Variants in KIF6 observed in about 807,000 individuals in gnomAD.
KIF6 encodes kinesin-like protein KIF6.
Under a neutral mutation model 112.7 loss-of-function variants are expected in KIF6, and 106 were observed. That is an observed-to-expected ratio of 0.94 (90% CI 0.80 to 1.11). The LOEUF is 1.11. Ranked by LOEUF, KIF6 falls within the 50% of genes least tolerant of loss-of-function variation. The pLI is 0.00. For synonymous variants in KIF6, 339 were observed against 339.9 expected, an observed-to-expected ratio of 1.00 and a Z score of 0.03; for missense variants, 929 against 964.0, an observed-to-expected ratio of 0.96 and a Z score of 0.48.
chr6:39,454,149 T>C (rs1162338592), intron 13 of KIF6, among the ~76,000 whole-genome samples: 1 of 152,170 alleles, frequency 6.6e-6, no homozygotes, highest in Non-Finnish European at 1.5e-5. Flanking sequence ...GTATTAGAAC[T>C]CTTATGTTGC....
intron 5 of KIF6, among the ~76,000 whole-genome samples, chr6:39,628,199 C>A (rs1784183085): frequency 6.6e-6 from 1 of 151,968 alleles, no homozygotes; most frequent in Non-Finnish European, 1.5e-5. Flanking sequence ...GCAATCCAAT[C>A]CACCAATCTT....
At chr6:39,601,046 T>C (rs1463795436) in intron 6 of KIF6, among the ~76,000 whole-genome samples, 1 of 152,186 alleles carries the variant, frequency 6.6e-6, no homozygotes, top group African/African-American at 2.4e-5. Flanking sequence ...ATATTCACTT[T>C]ATTCAGATGC....
chr6:39,440,636 G>C (rs1446895367), intron 13 of KIF6, among the ~76,000 whole-genome samples: 2 of 152,122 alleles, frequency 1.3e-5, no homozygotes, highest in Admixed American at 1.3e-4. Flanking sequence ...TCTTTAGTTG[G>C]AGAGAACTGA....
intron 10 of KIF6, among the ~76,000 whole-genome samples, chr6:39,570,655 G>A (rs1000366056): frequency 9.9e-5 from 15 of 151,992 alleles, no homozygotes; most frequent in Non-Finnish European, 1.8e-4. Context: ...GAATCATGGG[G>A]GTGTTTACCC....
At chr6:39,370,771 G>A (rs539652294) in intron 16 of KIF6, among the ~76,000 whole-genome samples, 11 of 152,204 alleles carry the variant, frequency 7.2e-5, no homozygotes, top group Admixed American at 5.2e-4. Flanking sequence ...GAAGGAGCCC[G>A]AGAGACCACG....
intron 3 of KIF6, among the ~76,000 whole-genome samples, chr6:39,699,604 A>G (rs979427362): frequency 6.6e-5 from 10 of 152,228 alleles, no homozygotes; most frequent in African/African-American, 9.6e-5. Flanking sequence ...CCAGTGCACA[A>G]TGAAAATGCA....
intron 13 of KIF6, among the ~76,000 whole-genome samples, chr6:39,504,461 C>T (rs1443607810): frequency 6.6e-6 from 1 of 152,196 alleles, no homozygotes. Flanking sequence ...TCCTCTGTCA[C>T]CACTCCTATT....
intron 3 of KIF6, among the ~76,000 whole-genome samples, chr6:39,667,834 G>A (rs1786570515): frequency 2.0e-5 from 3 of 152,124 alleles, no homozygotes; most frequent in Admixed American, 2.0e-4. Context: ...TTGGATGTCT[G>A]TCCCCTCCAA....
At chr6:39,651,493 A>G (rs1785469609) in intron 3 of KIF6, among the ~76,000 whole-genome samples, 1 of 152,186 alleles carries the variant, frequency 6.6e-6, no homozygotes, top group African/African-American at 2.4e-5. Flanking sequence ...CCTAACTCCT[A>G]TAATTCCTGA....
chr6:39,450,419 G>A (rs1282731500), intron 13 of KIF6, among the ~76,000 whole-genome samples: 1 of 152,222 alleles, frequency 6.6e-6, no homozygotes, highest in Non-Finnish European at 1.5e-5. Flanking sequence ...GCCTGAGGAG[G>A]TAAGAATATG....
intron 3 of KIF6, among the ~76,000 whole-genome samples, chr6:39,665,781 G>A (rs1296903472): frequency 6.6e-6 from 1 of 151,826 alleles, no homozygotes; most frequent in Non-Finnish European, 1.5e-5. Flanking sequence ...TCTATGTGAC[G>A]CTGATCTTCC....
At chr6:39,568,727 T>A (rs1476119237) in intron 10 of KIF6, among the ~76,000 whole-genome samples, 1 of 151,908 alleles carries the variant, frequency 6.6e-6, no homozygotes, top group Non-Finnish European at 1.5e-5. Context: ...ATTTTTGTAT[T>A]TTTAGTAGAG....
chr6:39,514,082 C>CT (rs1304678874), intron 13 of KIF6, among the ~76,000 whole-genome samples: 1 of 152,050 alleles, frequency 6.6e-6, no homozygotes, highest in South Asian at 2.1e-4. Flanking sequence ...TGATTGATTT[C>CT]TTTTTTCACT....
At chr6:39,377,704 C>T (rs558727711) in intron 16 of KIF6, among the ~76,000 whole-genome samples, 10 of 152,302 alleles carry the variant, frequency 6.6e-5, no homozygotes, top group Admixed American at 2.0e-4. Flanking sequence ...ACTAGAACAA[C>T]GCAGTGAAAC....
At chr6:39,439,920 A>C (rs1252893020) in intron 13 of KIF6, among the ~76,000 whole-genome samples, 1 of 152,186 alleles carries the variant, frequency 6.6e-6, no homozygotes, top group African/African-American at 2.4e-5. Context: ...GGCTGCTCCT[A>C]AACAACCTAC....
At chr6:39,448,060 A>C in intron 13 of KIF6, among the ~76,000 whole-genome samples, 1 of 149,524 alleles carries the variant, frequency 6.7e-6, no homozygotes, top group African/African-American at 2.5e-5. Flanking sequence ...CTCTTTCCTC[A>C]CTCTGGTGAT....
chr6:39,454,970 C>A (rs1772962510), intron 13 of KIF6, among the ~76,000 whole-genome samples: 1 of 151,554 alleles, frequency 6.6e-6, no homozygotes, highest in African/African-American at 2.4e-5. Context: ...CCCAGGCTTG[C>A]TTAGGTAAAC....
chr6:39,698,668 GT>G (rs1342972739), intron 3 of KIF6, among the ~76,000 whole-genome samples: 1 of 152,094 alleles, frequency 6.6e-6, no homozygotes, highest in African/African-American at 2.4e-5. Flanking sequence ...GCAAAATAGG[GT>G]TTCCTAAGAA....
At chr6:39,710,875 A>C (rs1464405706) in intron 3 of KIF6, among the ~76,000 whole-genome samples, 1 of 152,020 alleles carries the variant, frequency 6.6e-6, no homozygotes, top group Non-Finnish European at 1.5e-5. Flanking sequence ...AATTCAAAAA[A>C]TTAGCCGAGT....
Sources: gnomAD v4.1 joint callset for allele counts (sites outside exome capture counted in the v4.1 genomes callset) on GRCh38, gnomAD v4.1.1 for gene constraint, MANE v1.5 for transcripts, NCBI Gene and HGNC (gene_info 2026-07-23, HGNC 2026-07-21) for gene names.